Variants in ATP6V0A1 observed in about 807,000 individuals in gnomAD.
ATP6V0A1 encodes ATPase H+ transporting V0 subunit a1, also known as V-type proton ATPase 116 kDa subunit a 1.
A neutral mutation model predicts 105.4 loss-of-function variants in ATP6V0A1; 43 were observed. The observed-to-expected ratio is 0.41, with a 90% CI of 0.32 to 0.53. ATP6V0A1 has a LOEUF of 0.53. ATP6V0A1 is among the 20% of genes least tolerant of loss of function. The pLI is 0.30. For synonymous variants in ATP6V0A1, 362 were observed against 372.8 expected, an observed-to-expected ratio of 0.97 and a Z score of 0.33; for missense variants, 676 against 1,051.1, an observed-to-expected ratio of 0.64 and a Z score of 4.93.
chr17:42,522,120 T>G lies in ATP6V0A1; in HGVS notation c.*1000T>G, dbSNP rs1027119180. 1 of 152,742 alleles carries G rather than the reference T, an allele frequency of 6.5e-6. No individual in the cohort carries two copies. The highest frequency in any genetic ancestry group is 2.4e-5 in the African/African-American group (1 of 41,452). 9.5% of individuals were successfully genotyped at this position (152,742 alleles called of 1,614,324 possible). On this transcript the variant is annotated 3_prime_UTR_variant, in exon 22 of 22. Transcript: ENST00000343619. ...GGGCAGGGAAGGTCAGTGTCACTGATGGTTTGCTGTTTGGAAGCCATTGGC... is the reference window on the plus strand; with the variant it reads ...GGGCAGGGAAGGTCAGTGTCACTGAGGGTTTGCTGTTTGGAAGCCATTGGC...
chr17:42,492,082 A>T (rs1262811273), intron 11 of ATP6V0A1, among the ~76,000 whole-genome samples: 1 of 151,970 alleles, frequency 6.6e-6, no homozygotes, highest in African/African-American at 2.4e-5. Flanking sequence ...AGAGGTGCTC[A>T]TTCTGGCAGG....
intron 19 of ATP6V0A1, among the ~76,000 whole-genome samples, chr17:42,512,899 CG>C (rs34505615): frequency 6.6e-6 from 1 of 152,206 alleles, no homozygotes; most frequent in Non-Finnish European, 1.5e-5. Context: ...CTGGGCTCTG[CG>C]GGGGGAAGCC....
chr17:42,520,893 T>G, intron 21 of ATP6V0A1, 134 bp from the exon 22 acceptor site: 1 of 765,010 alleles, frequency 1.3e-6, no homozygotes, highest in Admixed American at 2.4e-5. Context: ...CACTCTGGGC[T>G]TTCTCTAGCT....
chr17:42,462,761 T>A lies in ATP6V0A1; in HGVS notation c.117+1750T>A, dbSNP rs536435746. ...TCTTCTAGTTCTGTTAATTTTTTTT[T>A]AATAATAAAATTTATAACATTAAGA... is the stretch of plus-strand genomic sequence containing the variant. On this transcript the variant is annotated intron_variant, in intron 2 of 21. Transcript: ENST00000343619. 5.4e-4 allele frequency among the ~76,000 whole-genome samples: 82 copies of A among 151,746 alleles called. No homozygotes were observed. The East Asian group carries it at 8.1e-3, about 15-fold the overall frequency.
chr17:42,476,070 T>C (rs1243480868), intron 5 of ATP6V0A1, among the ~76,000 whole-genome samples: 4 of 152,166 alleles, frequency 2.6e-5, no homozygotes, highest in Non-Finnish European at 5.9e-5. Context: ...CAAGTTGAAA[T>C]GTTGTAATCA....
intron 17 of ATP6V0A1, among the ~76,000 whole-genome samples, chr17:42,506,206 A>G (rs2092015622): frequency 6.6e-6 from 1 of 152,172 alleles, no homozygotes; most frequent in Non-Finnish European, 1.5e-5. Context: ...TGATTATACA[A>G]TTTGTACTTG....
rs140643488 is a variant in ATP6V0A1 at position 42,515,072 on chromosome 17, G to C, written c.2420+612G>C. 8.1e-4 allele frequency among the ~76,000 whole-genome samples: 123 copies of C among 152,234 alleles called. No homozygotes were observed. The South Asian group carries it at 0.01, about 13-fold the overall frequency. On this transcript the variant is annotated intron_variant, in intron 21 of 21. Coordinates refer to ENST00000343619, the MANE Select transcript of ATP6V0A1 (RefSeq NM_001130021.3). Reference sequence around the variant, plus strand: ...ATGAAGCTTGTGACTCTTAATGGCTGTGTGTGGAGAGAGCATGAGTTCAGC... The same window carrying C: ...ATGAAGCTTGTGACTCTTAATGGCTCTGTGTGGAGAGAGCATGAGTTCAGC...
chr17:42,506,511 T>G (rs141020000), intron 17 of ATP6V0A1, among the ~76,000 whole-genome samples: 72 of 152,372 alleles, frequency 4.7e-4, no homozygotes, highest in African/African-American at 1.7e-3. Context: ...GCAGGCCTCC[T>G]GCACGCTACT....
intron 15 of ATP6V0A1, among the ~76,000 whole-genome samples, chr17:42,500,137 T>C (rs1393002063): frequency 6.6e-6 from 1 of 151,462 alleles, no homozygotes; most frequent in Non-Finnish European, 1.5e-5. Flanking sequence ...TTTTCCATTC[T>C]CTTTCTCATG....
Position 42,514,387 on chromosome 17 carries a change from G to A in ATP6V0A1, c.2347G>A (p.Ala783Thr). Residue 783 changes from alanine to threonine, a missense_variant, in exon 21 of 22, where the codon GCC becomes ACC. By Grantham distance (58) the Ala-to-Thr change is moderately conservative (BLOSUM62 0). Coordinates refer to ENST00000343619, the MANE Select transcript of ATP6V0A1 (RefSeq NM_001130021.3). The part of the protein sequence containing the change: ...LVLFFFFTAF[A>T]TLTVAILLIM... ...GCTGTTCTTCTTCTTCACTGCCTTT[G>A]CCACCCTGACCGTGGCCATCCTCCT... 1 of 1,613,832 alleles carries A rather than the reference G, an allele frequency of 6.2e-7. No homozygotes were observed. Among genetic ancestry groups the A allele is most frequent in the Non-Finnish European group, 8.5e-7 (1 of 1,179,846 alleles).
intron 9 of ATP6V0A1, among the ~76,000 whole-genome samples, chr17:42,486,631 C>A (rs1349870099): frequency 6.6e-6 from 1 of 152,156 alleles, no homozygotes; most frequent in Non-Finnish European, 1.5e-5. Flanking sequence ...CAGTCCAAGC[C>A]CCCTGTAAAG....
At chr17:42,497,664 C>G (rs1315562112) in intron 14 of ATP6V0A1, among the ~76,000 whole-genome samples, 6 of 140,930 alleles carry the variant, frequency 4.3e-5, no homozygotes, top group Non-Finnish European at 7.7e-5. Flanking sequence ...CAGAGTAAGA[C>G]TCCATCTAAA....
intron 4 of ATP6V0A1, 91 bp downstream of exon 4, chr17:42,468,198 C>A: frequency 1.3e-6 from 1 of 785,506 alleles, no homozygotes; most frequent in Non-Finnish European, 1.9e-6. Context: ...GTAATTCTTG[C>A]TAACTTTGTC....
intron 5 of ATP6V0A1, among the ~76,000 whole-genome samples, chr17:42,473,618 T>C (rs932519011): frequency 2.0e-5 from 3 of 152,218 alleles, no homozygotes; most frequent in African/African-American, 4.8e-5. Flanking sequence ...TCCCCATTTT[T>C]TTCCCTTTTG....
intron 21 of ATP6V0A1, among the ~76,000 whole-genome samples, chr17:42,516,587 G>A (rs547014987): frequency 1.3e-5 from 2 of 152,316 alleles, no homozygotes; most frequent in South Asian, 2.1e-4. Flanking sequence ...CTTGAGCCCT[G>A]GGTTTGAGGG....
intron 4 of ATP6V0A1, 36 bp downstream of exon 4, chr17:42,468,143 C>A: frequency 7.0e-7 from 1 of 1,418,584 alleles, no homozygotes; most frequent in Non-Finnish European, 9.7e-7. Context: ...AAGTTTCTTT[C>A]TACTTGAACG....
intron 2 of ATP6V0A1, among the ~76,000 whole-genome samples, 194 bp from the exon 3 acceptor site, chr17:42,466,235 A>G (rs970223121): frequency 1.3e-5 from 2 of 152,190 alleles, no homozygotes; most frequent in Non-Finnish European, 2.9e-5. Context: ...TGCAGCAACG[A>G]GGGAGGAAGT....
rs1433034481 is a variant in ATP6V0A1 at position 42,511,706 on chromosome 17, C to T, written c.2131-2155C>T. On this transcript the variant is annotated intron_variant, in intron 19 of 21. Transcript: ENST00000343619. ...CAGCTGGGCCAGGCGCGGGGGCTCA[C>T]GCCTGTAATCCCCAGCACTTTGGGA... Among the ~76,000 whole-genome samples the T allele has an allele frequency of 3.9e-5, 6 of 152,042 alleles. No individual in the cohort carries two copies. The East Asian group carries it at 5.8e-4, about 15-fold the overall frequency.
intron 14 of ATP6V0A1, 105 bp from the exon 15 acceptor site, chr17:42,498,819 C>T (rs552447332): frequency 3.5e-4 from 265 of 749,634 alleles, no homozygotes; most frequent in Non-Finnish European, 5.2e-4. Flanking sequence ...GAGCGAGACT[C>T]GTCTCTAAAT....
Sources: gnomAD v4.1 joint callset for allele counts (sites outside exome capture counted in the v4.1 genomes callset) on GRCh38, gnomAD v4.1.1 for gene constraint, MANE v1.5 for transcripts, NCBI Gene and HGNC (gene_info 2026-07-23, HGNC 2026-07-21) for gene names.